The following TBC1D30 variants were observed in gnomAD, a reference collection of about 807,000 sequenced individuals.
The protein encoded by TBC1D30 is TBC1 domain family, member 30.
Under a neutral mutation model 63.2 loss-of-function variants are expected in TBC1D30, and 31 were observed. The observed-to-expected ratio is 0.49, with a 90% confidence interval of 0.37 to 0.66. The LOEUF is 0.66. TBC1D30 is among the 30% of genes least tolerant of loss of function. The pLI, the probability that TBC1D30 is intolerant of heterozygous loss-of-function variation, is 0.00. For missense variants in TBC1D30, 810 were observed against 953.6 expected, an observed-to-expected ratio of 0.85 and a Z score of 1.98; for synonymous variants, 307 against 361.5, an observed-to-expected ratio of 0.85 and a Z score of 1.71.
chr12:64,867,537 A>G (rs1288615221), intron 10 of TBC1D30, among the ~76,000 whole-genome samples: 2 of 151,240 alleles, frequency 1.3e-5, no homozygotes, highest in Admixed American at 6.6e-5. Context: ...TTTCCTCTGT[A>G]TTATGTGTTG....
At chr12:64,820,989 G>C (rs74099686), upstream of TBC1D30, among the ~76,000 whole-genome samples, 1 of 152,122 alleles carries the variant, frequency 6.6e-6, no homozygotes, top group Non-Finnish European at 1.5e-5. Flanking sequence ...GATTTTCCTC[G>C]TAATAGATCT....
intron 2 of TBC1D30, among the ~76,000 whole-genome samples, chr12:64,803,470 T>A (rs1565648996): frequency 1.3e-5 from 2 of 152,258 alleles, no homozygotes; most frequent in Non-Finnish European, 2.9e-5. Flanking sequence ...CTGATGGTAG[T>A]TTCTTTTGCT....
chr12:64,785,152 T>C (rs1191594652), intron 1 of TBC1D30, among the ~76,000 whole-genome samples: 3 of 151,846 alleles, frequency 2.0e-5, no homozygotes, highest in East Asian at 3.9e-4. Flanking sequence ...AAAGACTTTT[T>C]TTTTTTTTTT....
intron 8 of TBC1D30, among the ~76,000 whole-genome samples, chr12:64,857,245 A>C (rs947869964): frequency 6.6e-6 from 1 of 152,170 alleles, no homozygotes; most frequent in Non-Finnish European, 1.5e-5. Flanking sequence ...GGCCCATGGC[A>C]TACTCCCTGG....
chr12:64,766,654 C>T (rs1364819834), intron 1 of TBC1D30, among the ~76,000 whole-genome samples: 1 of 152,088 alleles, frequency 6.6e-6, no homozygotes, highest in Admixed American at 6.6e-5. Flanking sequence ...AGAAGATGAA[C>T]AAGGACATAG....
At chr12:64,852,585 C>T (rs987365644) in intron 8 of TBC1D30, among the ~76,000 whole-genome samples, 5 of 152,110 alleles carry the variant, frequency 3.3e-5, no homozygotes, top group African/African-American at 4.8e-5. Flanking sequence ...TTGGTATTTT[C>T]GGTCTTTTTG....
chr12:64,801,400 C>A (rs1592562771), intron 2 of TBC1D30, among the ~76,000 whole-genome samples: 1 of 152,098 alleles, frequency 6.6e-6, no homozygotes, highest in East Asian at 1.9e-4. Context: ...GTAGGCTTAG[C>A]GCTTATGAAC....
At chr12:64,859,717 T>C (rs1248265144) in intron 8 of TBC1D30, among the ~76,000 whole-genome samples, 2 of 152,128 alleles carry the variant, frequency 1.3e-5, no homozygotes, top group Non-Finnish European at 2.9e-5. Flanking sequence ...CATTTTCAGA[T>C]AGGTTGCTTT....
chr12:64,814,271 T>C (rs1873393449), intron 2 of TBC1D30, among the ~76,000 whole-genome samples: 1 of 152,146 alleles, frequency 6.6e-6, no homozygotes, highest in Non-Finnish European at 1.5e-5. Context: ...GGTCTTAAGC[T>C]CCTGGTCTCA....
At chr12:64,831,160 C>T (rs896744117) in intron 4 of TBC1D30, among the ~76,000 whole-genome samples, 1 of 152,132 alleles carries the variant, frequency 6.6e-6, no homozygotes, top group African/African-American at 2.4e-5. Flanking sequence ...AAAGTTGTTT[C>T]ATCCAAATTT....
At chr12:64,784,708 C>G (rs1217543580) in intron 1 of TBC1D30, among the ~76,000 whole-genome samples, 1 of 151,848 alleles carries the variant, frequency 6.6e-6, no homozygotes, top group African/African-American at 2.4e-5. Flanking sequence ...AGAAAAACTG[C>G]TGTTAAGGGG....
At chr12:64,785,936 G>C in exon 2 of TBC1D30, 1 of 1,289,882 alleles carries the variant, frequency 7.8e-7, no homozygotes, top group Non-Finnish European at 1.0e-6. Context: ...TTGGCATCCA[G>C]TCGGCCAAGT....
intron 8 of TBC1D30, among the ~76,000 whole-genome samples, chr12:64,850,110 G>A (rs970323600): frequency 9.9e-5 from 15 of 152,152 alleles, no homozygotes; most frequent in African/African-American, 3.6e-4. Context: ...TGTGATTTTT[G>A]CACATTGATT....
chr12:64,831,770 A>G (rs1874880158), intron 4 of TBC1D30, among the ~76,000 whole-genome samples: 1 of 152,186 alleles, frequency 6.6e-6, no homozygotes, highest in Non-Finnish European at 1.5e-5. Context: ...TATTGTGATG[A>G]CTATTGTTTT....
intron 2 of TBC1D30, among the ~76,000 whole-genome samples, chr12:64,803,021 A>G (rs566348308): frequency 6.6e-6 from 1 of 152,296 alleles, no homozygotes; most frequent in Non-Finnish European, 1.5e-5. Flanking sequence ...CAGTAATGGG[A>G]TGGCTGGGTC....
intron 7 of TBC1D30, among the ~76,000 whole-genome samples, chr12:64,840,004 C>CAAAAAAAAAAAAAAAAA (rs60440376): frequency 3.9e-4 from 38 of 98,300 alleles, no homozygotes; most frequent in African/African-American, 1.5e-3. Flanking sequence ...GACTCTGTCT[C>CAAAAAAAAAAAAAAAAA]AAAAAAAAAA....
intron 11 of TBC1D30, 90 bp from the exon 12 acceptor site, chr12:64,874,911 G>A: frequency 8.0e-7 from 1 of 1,246,054 alleles, no homozygotes; most frequent in Non-Finnish European, 1.1e-6. Flanking sequence ...GTGGTAGACG[G>A]GGCTGGGAGG....
At chr12:64,760,100 G>A (rs1176919423) in intron 1 of TBC1D30, among the ~76,000 whole-genome samples, 1 of 152,162 alleles carries the variant, frequency 6.6e-6, no homozygotes, top group Non-Finnish European at 1.5e-5. Flanking sequence ...AATGGTCCTT[G>A]GTGACTTTTT....
At chr12:64,782,483 T>C (rs1180304778) in intron 1 of TBC1D30, among the ~76,000 whole-genome samples, 1 of 152,184 alleles carries the variant, frequency 6.6e-6, no homozygotes, top group Admixed American at 6.5e-5. Flanking sequence ...CATTTCATTT[T>C]ATAGAATTAT....
Sources: gnomAD v4.1 joint callset for allele counts (sites outside exome capture counted in the v4.1 genomes callset) on GRCh38, gnomAD v4.1.1 for gene constraint, MANE v1.5 for transcripts, NCBI Gene and HGNC (gene_info 2026-07-23, HGNC 2026-07-21) for gene names.